The following ZNF248 variants were observed in gnomAD, a reference collection of about 807,000 sequenced individuals.
ZNF248 encodes KRAB protein domain.
In ZNF248, 20 loss-of-function variants were observed where a neutral mutation model predicts 44.3. The ratio of observed to expected loss-of-function variants is 0.45; its 90% CI spans 0.32 to 0.66. The LOEUF (loss-of-function observed/expected upper bound fraction) is 0.66. Ranked by LOEUF, ZNF248 falls within the 30% of genes least tolerant of loss-of-function variation. The pLI is 0.04. For synonymous variants in ZNF248, 224 were observed against 229.0 expected, an observed-to-expected ratio of 0.98 and a Z score of 0.20; for missense variants, 654 against 677.0, an observed-to-expected ratio of 0.97 and a Z score of 0.38.
chr10:37,808,560 C>T (rs2050964592), intron 6 of ZNF248, among the ~76,000 whole-genome samples: 1 of 152,126 alleles, frequency 6.6e-6, no homozygotes. Context: ...GCTGAGATTA[C>T]AGGCAGTAGC....
At chr10:37,810,386 A>G (rs1589308117) in intron 6 of ZNF248, among the ~76,000 whole-genome samples, 1 of 152,118 alleles carries the variant, frequency 6.6e-6, no homozygotes, top group East Asian at 1.9e-4. Context: ...TTATTGCTAT[A>G]TCTTCTTGCT....
chr10:37,856,630 A>C, intron 1 of ZNF248, 98 bp from the exon 2 acceptor site: 2 of 1,023,552 alleles, frequency 2.0e-6, no homozygotes, highest in Non-Finnish European at 2.3e-6. Flanking sequence ...AATTCCTTGT[A>C]GGGAAAAAAA....
At chr10:37,818,158 C>T (rs12262927) in intron 6 of ZNF248, among the ~76,000 whole-genome samples, 1,910 of 152,196 alleles carry the variant, frequency 0.013, 26 homozygotes, top group Middle Eastern at 0.048. Context: ...CCTTGTGATC[C>T]ACCTTCCTTG....
At chr10:37,808,869 A>C (rs1166034715) in intron 6 of ZNF248, among the ~76,000 whole-genome samples, 1 of 148,864 alleles carries the variant, frequency 6.7e-6, no homozygotes, top group Non-Finnish European at 1.5e-5. Context: ...TTCTTTGTCA[A>C]GAGTTTTTTT....
intron 6 of ZNF248, chr10:37,796,096 G>C (rs1189543339): frequency 6.6e-6 from 1 of 152,026 alleles, no homozygotes; most frequent in Non-Finnish European, 1.5e-5. Flanking sequence ...ATTGGTTATA[G>C]TCTGTCTATT....
At chr10:37,823,227 G>A (rs1475843931) in intron 6 of ZNF248, among the ~76,000 whole-genome samples, 2 of 150,592 alleles carry the variant, frequency 1.3e-5, no homozygotes, top group Non-Finnish European at 3.0e-5. Context: ...CCAGCTGCTC[G>A]GGAGGCTGAG....
intron 3 of ZNF248, among the ~76,000 whole-genome samples, chr10:37,847,155 C>T (rs1830079316): frequency 6.6e-6 from 1 of 152,150 alleles, no homozygotes. Context: ...CCCACCTCAG[C>T]CTCCTGAGTA....
At chr10:37,823,395 CA>C (rs1261999441) in intron 6 of ZNF248, among the ~76,000 whole-genome samples, 1 of 75,026 alleles carries the variant, frequency 1.3e-5, no homozygotes, top group East Asian at 4.5e-4. Flanking sequence ...CATTTTTTAA[CA>C]AAAAAATGAA....
chr10:37,813,862 G>C (rs2133452146), intron 6 of ZNF248, among the ~76,000 whole-genome samples: 1 of 152,170 alleles, frequency 6.6e-6, no homozygotes, highest in South Asian at 2.1e-4. Context: ...AACTTGCATG[G>C]GATATCTCTT....
Position 37,831,637 on chromosome 10 carries a change from AC to A in ZNF248, c.1717del (p.Val573Ter), listed in dbSNP as rs780675212. On this transcript the variant is annotated frameshift_variant, in exon 6 of 6. Coordinates refer to ENST00000395867, the MANE Select transcript of ZNF248 (RefSeq NM_021045.3). LOFTEE classifies it high-confidence loss of function. ...LTKHQRIHTRVKALSTS is the reference protein window; with the variant it reads ...LTKHQRIHTRXKALSTS ...CATTCAGGATGTTGAAAGAGCTTTC[AC>A]CCTTGTGTGAATTCTCTGATGTTTG... is the stretch of plus-strand genomic sequence containing the variant. 1 of 1,613,526 alleles carries A rather than the reference AC, an allele frequency of 6.2e-7. No homozygotes were observed. The highest frequency in any genetic ancestry group is 1.1e-5 in the South Asian group (1 of 91,062).
intron 6 of ZNF248, among the ~76,000 whole-genome samples, chr10:37,790,253 A>G (rs577154473): frequency 2.2e-4 from 33 of 147,246 alleles, no homozygotes; most frequent in Non-Finnish European, 4.2e-4. Context: ...CCTGGGTGAC[A>G]GAGCAAGACT....
In ZNF248 at chr10:37,820,413, C is replaced by A. The variant is rs555379935; in HGVS notation, c.330+12612G>T. On this transcript the variant is annotated intron_variant, in intron 6 of 6. Coordinates refer to the ZNF248 transcript ENST00000615949. ...TGCTGACATGAGGCTGTTGGCAGAGCAGACTGCTCCTCCGTTGCCTCCTTT... is the reference window on the plus strand; with the variant it reads ...TGCTGACATGAGGCTGTTGGCAGAGAAGACTGCTCCTCCGTTGCCTCCTTT... 1.2e-5 allele frequency: 19 copies of A among 1,533,712 alleles called. No individual in the cohort carries two copies. In the East Asian group the frequency reaches 2.9e-4, roughly 24 times the overall value.
Position 37,833,064 on chromosome 10 carries a change from A to C in ZNF248, c.291T>G (p.Asp97Glu). The C allele has an allele frequency of 6.2e-7, 1 of 1,610,536 alleles. No individual in the cohort carries two copies. The highest frequency in any genetic ancestry group is 1.1e-5 in the South Asian group (1 of 90,502). ...DVLESSQENE[D>E]DHFWELLFHN... Reference sequence around the variant, plus strand: ...GGAATAGAAGCTCCCAAAAATGGTCATCTTCATTTTCCTGGCTGCTCTCTA... The same window carrying C: ...GGAATAGAAGCTCCCAAAAATGGTCCTCTTCATTTTCCTGGCTGCTCTCTA... Residue 97 changes from aspartate to glutamate, a missense_variant, in exon 6 of 6, where the codon GAT becomes GAG. Coordinates refer to ENST00000395867, the MANE Select transcript of ZNF248 (RefSeq NM_021045.3).
intron 6 of ZNF248, among the ~76,000 whole-genome samples, chr10:37,813,821 G>T (rs778802129): frequency 6.6e-6 from 1 of 152,054 alleles, no homozygotes. Context: ...ATTGTTCAAG[G>T]ATCAACTGCA....
chr10:37,829,312 T>C lies in ZNF248; in HGVS notation c.*2303A>G. ...CCTGCTGATACAAGTCTCTGGGTGT[T>C]TCACTGTCCCTTGTTTCTGGCCCAC... On this transcript the variant is annotated 3_prime_UTR_variant, in exon 6 of 6. Coordinates refer to ENST00000395867, the MANE Select transcript of ZNF248 (RefSeq NM_021045.3). The C allele has an allele frequency of 4.1e-6, 4 of 985,432 alleles. No homozygotes were observed. The highest frequency in any genetic ancestry group is 4.8e-6 in the Non-Finnish European group (4 of 829,922). 61.0% of individuals were successfully genotyped at this position (985,432 alleles called of 1,614,324 possible).
At chr10:37,788,411 A>G (rs940324172) in intron 6 of ZNF248, among the ~76,000 whole-genome samples, 1 of 152,202 alleles carries the variant, frequency 6.6e-6, no homozygotes, top group African/African-American at 2.4e-5. Flanking sequence ...ACCTGAGGTC[A>G]GGAGTTCAAG....
chr10:37,815,920 C>A (rs911117296), intron 6 of ZNF248, among the ~76,000 whole-genome samples: 9 of 149,376 alleles, frequency 6.0e-5, no homozygotes, highest in African/African-American at 2.0e-4. Flanking sequence ...GCATGTGTGG[C>A]AACTTTCTAA....
chr10:37,779,203 C>G (rs2132845930), intron 6 of ZNF248, among the ~76,000 whole-genome samples: 1 of 152,154 alleles, frequency 6.6e-6, no homozygotes, highest in South Asian at 2.1e-4. Flanking sequence ...CAGGCAGAGA[C>G]ACAACAAAAA....
rs1215774341 is a variant in ZNF248, at chr10:37,831,322, T to A, written c.*293A>T. 5 of 1,549,466 alleles carry A rather than the reference T, an allele frequency of 3.2e-6. No individual in the cohort carries two copies. Among genetic ancestry groups the A allele is most frequent in the Non-Finnish European group, 4.4e-6 (5 of 1,146,168 alleles). On this transcript the variant is annotated 3_prime_UTR_variant, in exon 6 of 6. Transcript: ENST00000395867. ...TAAGCTTCAGATTCCACTGTGAATA[T>A]GGGTATAAATAAATATTGTCCATTA...
Sources: allele counts gnomAD v4.1 joint callset (sites outside exome capture counted in the v4.1 genomes callset), GRCh38; gene constraint gnomAD v4.1.1; transcripts MANE v1.5; gene names NCBI Gene and HGNC (gene_info 2026-07-23, HGNC 2026-07-21).